Variants in CHCHD3 observed in about 807,000 individuals in gnomAD.
CHCHD3 encodes MICOS complex subunit MIC19.
In CHCHD3, 20 loss-of-function variants were observed where a neutral mutation model predicts 38.2. That is an observed-to-expected ratio of 0.52 (90% CI 0.37 to 0.76). The LOEUF (loss-of-function observed/expected upper bound fraction) is 0.76, where lower values mean the gene tolerates loss of function less well. CHCHD3 is among the 30% of genes least tolerant of loss of function. CHCHD3 has a pLI of 0.00. For synonymous variants in CHCHD3, 82 were observed against 100.0 expected (o/e 0.82, Z 1.07); for missense variants, 245 against 279.2 (o/e 0.88, Z 0.87).
intron 4 of CHCHD3, among the ~76,000 whole-genome samples, chr7:132,915,929 T>G (rs530288246): frequency 4.6e-5 from 7 of 151,176 alleles, no homozygotes; most frequent in East Asian, 1.9e-4. Flanking sequence ...GTGAGTTTGG[T>G]TTTTTTTTAA....
At chr7:133,059,831 T>G (rs1195433200) in intron 2 of CHCHD3, among the ~76,000 whole-genome samples, 1 of 152,188 alleles carries the variant, frequency 6.6e-6, no homozygotes, top group Non-Finnish European at 1.5e-5. Context: ...CTTGTACATA[T>G]CAGGCTTCAT....
intron 3 of CHCHD3, among the ~76,000 whole-genome samples, chr7:132,994,647 A>C (rs1326961803): frequency 6.6e-6 from 1 of 152,228 alleles, no homozygotes; most frequent in Non-Finnish European, 1.5e-5. Flanking sequence ...GCCTCTTAAG[A>C]ATCAAATTTT....
At chr7:132,953,500 ACTG>A (rs1214187395) in intron 4 of CHCHD3, among the ~76,000 whole-genome samples, 5 of 152,178 alleles carry the variant, frequency 3.3e-5, no homozygotes, top group African/African-American at 1.2e-4. Context: ...AGACTGGACT[ACTG>A]GACAACTCAA....
At chr7:132,861,571 G>T (rs62467047) in intron 5 of CHCHD3, among the ~76,000 whole-genome samples, 1,879 of 152,214 alleles carry the variant, frequency 0.012, 15 homozygotes, top group Middle Eastern at 0.024. Context: ...GGAACTTCTA[G>T]GGGAAAAAAG....
At chr7:132,795,727 ACAAC>A in intron 7 of CHCHD3, among the ~76,000 whole-genome samples, 1 of 152,338 alleles carries the variant, frequency 6.6e-6, no homozygotes, top group Non-Finnish European at 1.5e-5. Context: ...GCCTCTCAGA[ACAAC>A]CATATCCAAC....
chr7:133,040,937 C>T (rs1368397048), intron 2 of CHCHD3, among the ~76,000 whole-genome samples: 1 of 152,154 alleles, frequency 6.6e-6, no homozygotes, highest in Non-Finnish European at 1.5e-5. Context: ...CAGTCGCAGT[C>T]GAAGAGCCCT....
chr7:132,915,530 T>C (rs1269409052), intron 4 of CHCHD3, among the ~76,000 whole-genome samples: 1 of 152,156 alleles, frequency 6.6e-6, no homozygotes, highest in Non-Finnish European at 1.5e-5. Flanking sequence ...TTTTCTTTGC[T>C]CATTTCTTCT....
intron 6 of CHCHD3, among the ~76,000 whole-genome samples, chr7:132,836,425 T>C (rs915029749): frequency 6.6e-6 from 1 of 152,006 alleles, no homozygotes; most frequent in African/African-American, 2.4e-5. Context: ...TGGCGCCATG[T>C]CTAAACTTTC....
chr7:132,961,866 T>C (rs1029045685), intron 4 of CHCHD3, among the ~76,000 whole-genome samples: 2 of 152,234 alleles, frequency 1.3e-5, no homozygotes, highest in African/African-American at 4.8e-5. Context: ...CACATATAAG[T>C]GAGAACATAC....
At chr7:132,827,695 C>T (rs375302673) in intron 6 of CHCHD3, among the ~76,000 whole-genome samples, 44 of 152,268 alleles carry the variant, frequency 2.9e-4, no homozygotes, top group African/African-American at 1.1e-3. Flanking sequence ...GCTTGGGTCC[C>T]TTTCCAATCA....
chr7:133,035,890 C>G lies in CHCHD3; in HGVS notation c.170-11263G>C, dbSNP rs1261072184. On this transcript the variant is annotated intron_variant, in intron 2 of 7. Transcript: ENST00000262570. The surrounding 1 kb of genome is among the most constrained non-coding windows in gnomAD (Gnocchi z 4.7). ...AGAGCCTTGAAGGCCCTCCAGTTTTCAGGATACGTGTACAGGGTCCCAGCC... is the reference window on the plus strand; with the variant it reads ...AGAGCCTTGAAGGCCCTCCAGTTTTGAGGATACGTGTACAGGGTCCCAGCC... The G allele has an allele frequency of 4.3e-6, 7 of 1,611,790 alleles. No homozygotes were observed. The highest frequency in any genetic ancestry group is 5.9e-6 in the Non-Finnish European group (7 of 1,178,322).
intron 4 of CHCHD3, among the ~76,000 whole-genome samples, chr7:132,907,703 A>T (rs1183024773): frequency 6.6e-6 from 1 of 152,204 alleles, no homozygotes; most frequent in Admixed American, 6.5e-5. Flanking sequence ...CACAATGGAA[A>T]CAGTATTTTA....
At chr7:132,920,229 C>T (rs1810226997) in intron 4 of CHCHD3, among the ~76,000 whole-genome samples, 1 of 152,170 alleles carries the variant, frequency 6.6e-6, no homozygotes, top group African/African-American at 2.4e-5. Context: ...CCATTCATTA[C>T]TCATTTTCTG....
intron 6 of CHCHD3, among the ~76,000 whole-genome samples, chr7:132,818,270 TA>T (rs1807256387): frequency 6.6e-6 from 1 of 152,218 alleles, no homozygotes; most frequent in South Asian, 2.1e-4. Flanking sequence ...TCAATCTTCA[TA>T]AATGTGTCCA....
intron 5 of CHCHD3, among the ~76,000 whole-genome samples, chr7:132,852,831 A>G (rs1174629195): frequency 6.6e-6 from 1 of 152,200 alleles, no homozygotes; most frequent in Non-Finnish European, 1.5e-5. Context: ...TTTGCCTAGA[A>G]CCTGACTTTT....
intron 4 of CHCHD3, among the ~76,000 whole-genome samples, chr7:132,913,245 T>C (rs539848408): frequency 3.3e-5 from 5 of 152,316 alleles, no homozygotes; most frequent in African/African-American, 9.6e-5. Context: ...TGATAGGTAC[T>C]ATCAATGATG....
At chr7:132,944,083 A>T (rs1429588032) in intron 4 of CHCHD3, among the ~76,000 whole-genome samples, 1 of 152,116 alleles carries the variant, frequency 6.6e-6, no homozygotes, top group African/African-American at 2.4e-5. Context: ...TTAAACAGCA[A>T]ATTTGCTTTT....
At chr7:132,861,283 ATTC>A (rs1429037989) in intron 5 of CHCHD3, among the ~76,000 whole-genome samples, 1 of 152,142 alleles carries the variant, frequency 6.6e-6, no homozygotes, top group Non-Finnish European at 1.5e-5. Context: ...TACCTCTGCT[ATTC>A]TTTGGAGTGT....
At chr7:133,021,597 C>A (rs1813179428) in intron 3 of CHCHD3, among the ~76,000 whole-genome samples, 1 of 152,126 alleles carries the variant, frequency 6.6e-6, no homozygotes, top group South Asian at 2.1e-4. Context: ...GTACTTATTT[C>A]AACTATGCTG....
Sources: allele counts gnomAD v4.1 joint callset (sites outside exome capture counted in the v4.1 genomes callset), GRCh38; gene constraint gnomAD v4.1.1; non-coding constraint Gnocchi (gnomAD v3.1); transcripts MANE v1.5; gene names NCBI Gene and HGNC (gene_info 2026-07-23, HGNC 2026-07-21).